The following ILDR2 variants were observed in gnomAD, a reference collection of about 807,000 sequenced individuals.
ILDR2 encodes the protein immunoglobulin like domain containing receptor 2.
Under a neutral mutation model 66.8 loss-of-function variants are expected in ILDR2, and 25 were observed. That is an observed-to-expected ratio of 0.37 (90% CI 0.27 to 0.52). ILDR2 has a LOEUF of 0.52. Among genes scored for constraint, ILDR2 ranks in the 20% least tolerant of loss-of-function variants. The pLI, the probability that ILDR2 is intolerant of heterozygous loss-of-function variation, is 0.88. For missense variants in ILDR2, 827 were observed against 876.8 expected (o/e 0.94, Z 0.72); for synonymous variants, 367 against 357.2 (o/e 1.03, Z -0.31).
At chr1:166,928,600 A>G (rs76792245) in intron 6 of ILDR2, among the ~76,000 whole-genome samples, 394 of 152,346 alleles carry the variant, frequency 2.6e-3, no homozygotes, top group African/African-American at 9.1e-3. Context: ...ATGTAAATTC[A>G]GAGAAAACCC....
chr1:166,963,301 A>C (rs1662734006), intron 1 of ILDR2, among the ~76,000 whole-genome samples: 1 of 152,236 alleles, frequency 6.6e-6, no homozygotes, highest in African/African-American at 2.4e-5. Flanking sequence ...AGCACTTTTC[A>C]TGTAGTATCC....
intron 1 of ILDR2, among the ~76,000 whole-genome samples, chr1:166,967,313 G>C (rs1050785824): frequency 6.6e-6 from 1 of 152,170 alleles, no homozygotes; most frequent in Admixed American, 6.5e-5. Context: ...TTACAGGAGA[G>C]AGAAATACAC....
Position 166,927,053 on chromosome 1 carries a change from T to G in ILDR2, c.994+14A>C. The G allele has an allele frequency of 6.4e-7, 1 of 1,572,434 alleles. No individual in the cohort carries two copies. Among genetic ancestry groups the G allele is most frequent in the Non-Finnish European group, 8.7e-7 (1 of 1,145,462 alleles). On this transcript the variant is annotated intron_variant, in intron 7 of 9. Transcript: ENST00000271417. ...GCATAATGCACAGATCACAGAAAAC[T>G]AACAGATGCTCACATCTGCCTCTCA...
intron 1 of ILDR2, among the ~76,000 whole-genome samples, chr1:166,961,718 G>A (rs546961218): frequency 9.2e-5 from 14 of 152,228 alleles, no homozygotes; most frequent in Admixed American, 2.0e-4. Context: ...TAATGTTGCT[G>A]AGGCTATCAA....
At chr1:166,899,392 C>G (rs1187841483) in intron 2 of ILDR2, among the ~76,000 whole-genome samples, 3 of 87,678 alleles carry the variant, frequency 3.4e-5, no homozygotes, top group Non-Finnish European at 4.7e-5. Context: ...GACTCCATCT[C>G]AAAAAAAAAA....
chr1:166,921,015 G>C lies in ILDR2; in HGVS notation c.1576C>G (p.His526Asp). The C allele has an allele frequency of 6.6e-7, 1 of 1,514,132 alleles. No individual in the cohort carries two copies. 93.8% of individuals were successfully genotyped at this position (1,514,132 alleles called of 1,614,324 possible). ...RTPGTAPKYDHSYLGSARERQ... is the reference protein window; with the variant it reads ...RTPGTAPKYDDSYLGSARERQ... ...TCCCGCGCGCTGCCCAGGTACGAGT[G>C]GTCGTATTTGGGTGCGGTGCCTGGC... The change falls in exon 9 of 10, where the codon CAC becomes GAC. Residue 526 changes from histidine to aspartate, a missense_variant. Around this residue, in one of 2 missense-constraint regions of ILDR2, gnomAD observed 390 missense variants for 353.6 expected, o/e 1.10. Transcript: ENST00000271417. This position sits in a 1 kb window ranked among gnomAD's most constrained non-coding sequence, Gnocchi z 5.3.
intron 2 of ILDR2, among the ~76,000 whole-genome samples, chr1:166,902,197 T>C (rs2101813148): frequency 6.6e-6 from 1 of 152,350 alleles, no homozygotes; most frequent in African/African-American, 2.4e-5. Context: ...GTCTCTCTTT[T>C]TCTGTGAGAT....
intron 2 of ILDR2, among the ~76,000 whole-genome samples, chr1:166,897,406 T>C (rs1659185077): frequency 6.6e-6 from 1 of 152,202 alleles, no homozygotes; most frequent in Admixed American, 6.5e-5. Flanking sequence ...TTACTTATGC[T>C]GGGCTTCCTG....
At position 166,965,921 on chromosome 1, in the gene ILDR2, A is replaced by T. The variant is rs375782446; in HGVS notation, c.47-7820T>A. 2.1e-4 allele frequency among the ~76,000 whole-genome samples: 32 copies of T among 152,250 alleles called. 1 individual carries two copies. In the East Asian group the frequency reaches 2.5e-3, roughly 12 times the overall value. On this transcript the variant is annotated intron_variant, in intron 1 of 9. Coordinates refer to ENST00000271417, the MANE Select transcript of ILDR2 (RefSeq NM_199351.3). ...TTAAGTGTAGGAGATGAATAGGGAG[A>T]TGAGTAAACATCTCCTCTGAGTTTG...
chr1:166,965,152 TTTCTTCATTCAGTA>T (rs1662856694), intron 1 of ILDR2, among the ~76,000 whole-genome samples: 1 of 152,242 alleles, frequency 6.6e-6, no homozygotes, highest in African/African-American at 2.4e-5. Context: ...CTTCAGATTC[TTTCTTCATTCAGTA>T]TAACAATATA....
At chr1:166,952,323 A>G (rs958110171) in intron 3 of ILDR2, among the ~76,000 whole-genome samples, 3 of 152,310 alleles carry the variant, frequency 2.0e-5, no homozygotes, top group Non-Finnish European at 2.9e-5. Flanking sequence ...GTATGGCCCT[A>G]TGATCCCAAA....
chr1:166,903,210 T>G (rs764516596), downstream of ILDR2, among the ~76,000 whole-genome samples: 1 of 152,238 alleles, frequency 6.6e-6, no homozygotes, highest in Non-Finnish European at 1.5e-5. Context: ...CTCATTGATT[T>G]AATTACAGTA....
rs1362922662 is a variant in ILDR2 at position 166,911,013 on chromosome 1, T to C, written c.*8342A>G. On this transcript the variant is annotated 3_prime_UTR_variant, in exon 10 of 10. Transcript: ENST00000271417. ...CCTGGCTCAAGCTATCCTCCCACCT[T>C]TGTCTCCCTAACTGTTGGGATTTCA... is the stretch of plus-strand genomic sequence containing the variant. 1 of 152,184 alleles carries C rather than the reference T, an allele frequency of 6.6e-6. No individual in the cohort carries two copies. Among genetic ancestry groups the C allele is most frequent in the East Asian group, 1.9e-4 (1 of 5,182 alleles). 9.4% of individuals were successfully genotyped at this position (152,184 alleles called of 1,614,324 possible).
chr1:166,936,239 C>T lies in ILDR2; in HGVS notation c.703+352G>A, dbSNP rs1487848303. Among the ~76,000 whole-genome samples the T allele has an allele frequency of 2.0e-5, 3 of 152,082 alleles. No individual in the cohort carries two copies. Among genetic ancestry groups the T allele is most frequent in the Non-Finnish European group, 2.9e-5 (2 of 68,028 alleles). ...ACTTCTCTGCATGGGAAGGGAACGACCAGAGAAGGTTTCCTCTAGTTTGAA... is the reference window on the plus strand; with the variant it reads ...ACTTCTCTGCATGGGAAGGGAACGATCAGAGAAGGTTTCCTCTAGTTTGAA... On this transcript the variant is annotated intron_variant, in intron 5 of 9. Transcript: ENST00000271417. This position sits in a 1 kb window ranked among gnomAD's most constrained non-coding sequence, Gnocchi z 5.0.
intron 1 of ILDR2, among the ~76,000 whole-genome samples, chr1:166,961,453 A>G (rs138638415): frequency 1.3e-5 from 2 of 152,330 alleles, no homozygotes; most frequent in East Asian, 3.9e-4. Flanking sequence ...AATAAAAAAT[A>G]CATTCTCAGA....
At chr1:166,904,354 C>T (rs1288481360), downstream of ILDR2, among the ~76,000 whole-genome samples, 1 of 152,320 alleles carries the variant, frequency 6.6e-6, no homozygotes, top group African/African-American at 2.4e-5. Context: ...GATCTGCAGG[C>T]CCTTCTTACC....
intron 3 of ILDR2, among the ~76,000 whole-genome samples, chr1:166,956,331 T>C (rs1436147983): frequency 6.6e-6 from 1 of 152,224 alleles, no homozygotes; most frequent in Non-Finnish European, 1.5e-5. Context: ...ATTCCTGATG[T>C]CTCCAGAGGT....
intron 1 of ILDR2, among the ~76,000 whole-genome samples, chr1:166,968,837 G>A (rs1663113602): frequency 6.6e-6 from 1 of 152,074 alleles, no homozygotes; most frequent in South Asian, 2.1e-4. Flanking sequence ...GAAGAGAATT[G>A]GAATTGAGCC....
At position 166,939,538 on chromosome 1, in the gene ILDR2, T is replaced by C. The variant is rs778936311; in HGVS notation, c.532A>G (p.Ser178Gly). 1.1e-5 allele frequency: 18 copies of C among 1,613,778 alleles called. No individual in the cohort carries two copies. The Admixed American group carries it at 3.0e-4, about 27-fold the overall frequency. ...CCTGGCATAATCTCCACAGCAAAACTGGGCAAGAGATCAGCAAGCAGCCCT... is the reference window on the plus strand; with the variant it reads ...CCTGGCATAATCTCCACAGCAAAACCGGGCAAGAGATCAGCAAGCAGCCCT... ...RTGLLADLLP[S>G]FAVEIMPEWV... The change falls in exon 4 of 10, where the codon AGT (serine) becomes GGT (glycine). Residue 178 changes from serine (S) to glycine (G), a missense_variant. By Grantham distance (56) the Ser-to-Gly change is moderately conservative. This residue lies in a region of ILDR2 where 437 missense variants were observed against 523.2 expected (regional missense o/e 0.84). Coordinates refer to ENST00000271417, the MANE Select transcript of ILDR2 (RefSeq NM_199351.3).
Sources: allele counts gnomAD v4.1 joint callset (sites outside exome capture counted in the v4.1 genomes callset), GRCh38; gene constraint gnomAD v4.1.1; regional missense constraint gnomAD v4.1.1; non-coding constraint Gnocchi (gnomAD v3.1); transcripts MANE v1.5; gene names NCBI Gene and HGNC (gene_info 2026-07-23, HGNC 2026-07-21).